COL4A3: variants seen among roughly 807,000 people sequenced by gnomAD.
COL4A3 encodes collagen type IV alpha 3 chain.
In COL4A3, 135 loss-of-function variants were observed where a neutral mutation model predicts 217.4. The observed-to-expected ratio is 0.62, with a 90% CI of 0.54 to 0.72. COL4A3 has a LOEUF of 0.72. Ranked by LOEUF, COL4A3 falls within the 30% of genes least tolerant of loss-of-function variation. The probability of loss-of-function intolerance (pLI) is 0.00; values close to 1 mark genes in which losing one functional copy is unlikely to be tolerated. For synonymous variants in COL4A3, 690 were observed against 736.3 expected, an observed-to-expected ratio of 0.94 and a Z score of 1.02; for missense variants, 1,868 against 2,119.9, an observed-to-expected ratio of 0.88 and a Z score of 2.33.
At chr2:227,196,895 T>A (rs2066501450) in intron 1 of COL4A3, among the ~76,000 whole-genome samples, 1 of 144,116 alleles carries the variant, frequency 6.9e-6, no homozygotes, top group South Asian at 2.1e-4. Context: ...CCAAATCTCA[T>A]CTTGAATTGT....
At chr2:227,289,740 T>C (rs916158935) in intron 35 of COL4A3, among the ~76,000 whole-genome samples, 17 of 152,154 alleles carry the variant, frequency 1.1e-4, no homozygotes, top group South Asian at 4.1e-4. Context: ...GCCCACTTTT[T>C]TCCCGCTGGT....
Position 227,257,653 on chromosome 2 carries a change from G to A in COL4A3, c.1029+9G>A, listed in dbSNP as rs1195208254. Reference sequence around the variant, plus strand: ...CAGGATTTCGTGGTCCAGTAAGTGTGATTAAAGACAATATCAATGCTATGT... The same window carrying A: ...CAGGATTTCGTGGTCCAGTAAGTGTAATTAAAGACAATATCAATGCTATGT... On this transcript the variant is annotated intron_variant, in intron 18 of 51. Transcript: ENST00000396578. 2 of 1,612,340 alleles carry A rather than the reference G, an allele frequency of 1.2e-6. No individual in the cohort carries two copies. Among genetic ancestry groups the A allele is most frequent in the Non-Finnish European group, 1.7e-6 (2 of 1,178,486 alleles).
chr2:227,270,144 T>C (rs1423718282), intron 24 of COL4A3, among the ~76,000 whole-genome samples, 164 bp downstream of exon 24: 1 of 152,124 alleles, frequency 6.6e-6, no homozygotes, highest in African/African-American at 2.4e-5. Flanking sequence ...AGTGAATGAG[T>C]CAATGAATTT....
At chr2:227,177,986 T>G (rs771362726) in intron 1 of COL4A3, among the ~76,000 whole-genome samples, 1 of 152,128 alleles carries the variant, frequency 6.6e-6, no homozygotes, top group Non-Finnish European at 1.5e-5. Context: ...AAGTGGAAGC[T>G]CTCAACTTAA....
intron 48 of COL4A3, 58 bp from the exon 49 acceptor site, chr2:227,308,841 C>T (rs892747767): frequency 1.4e-5 from 22 of 1,548,042 alleles, no homozygotes; most frequent in Middle Eastern, 2.0e-4. Flanking sequence ...TCTCTAGTAA[C>T]GATGCTGAAA....
At chr2:227,262,047 A>G (rs1005106912) in intron 20 of COL4A3, among the ~76,000 whole-genome samples, 7 of 152,238 alleles carry the variant, frequency 4.6e-5, no homozygotes, top group African/African-American at 1.4e-4. Flanking sequence ...ATGATGTTGT[A>G]TATTATACTA....
chr2:227,240,281 T>TCCTGCCTACCC (rs1574658709), intron 3 of COL4A3, 49 bp downstream of exon 3: 2 of 1,521,678 alleles, frequency 1.3e-6, no homozygotes, highest in East Asian at 4.8e-5. Flanking sequence ...CTAACCCTCT[T>TCCTGCCTACCC]CCTGCCTACC....
intron 44 of COL4A3, 34 bp from the exon 45 acceptor site, chr2:227,303,825 A>G (rs749106687): frequency 1.2e-6 from 2 of 1,600,820 alleles, no homozygotes; most frequent in East Asian, 4.5e-5. Flanking sequence ...CATTGATCTA[A>G]GTGGAATCAC....
intron 38 of COL4A3, chr2:227,293,650 C>T: frequency 4.2e-6 from 2 of 472,272 alleles, no homozygotes; most frequent in South Asian, 3.3e-5. Context: ...TAGTGAATTC[C>T]ACAGACTAGG....
At chr2:227,284,097 T>C (rs2072166402) in intron 33 of COL4A3, 114 bp from the exon 34 acceptor site, 1 of 1,421,872 alleles carries the variant, frequency 7.0e-7, no homozygotes, top group Non-Finnish European at 9.8e-7. Context: ...TTCTCAGCAC[T>C]GTTAGCCTTT....
intron 23 of COL4A3, 96 bp from the exon 24 acceptor site, chr2:227,269,814 C>T (rs1226073811): frequency 9.6e-7 from 1 of 1,037,400 alleles, no homozygotes; most frequent in African/African-American, 1.6e-5. Flanking sequence ...TCTTTCCCCA[C>T]AAGGAAACAC....
intron 1 of COL4A3, among the ~76,000 whole-genome samples, chr2:227,200,146 T>C (rs1187131407): frequency 6.6e-6 from 1 of 152,080 alleles, no homozygotes. Flanking sequence ...CATCTTATGA[T>C]ATTTCTTTTT....
chr2:227,295,066 C>A lies in COL4A3; in HGVS notation c.3517+4C>A. 6.2e-7 allele frequency: 1 copy of A among 1,611,358 alleles called. No homozygotes were observed. Among genetic ancestry groups the A allele is most frequent in the Non-Finnish European group, 8.5e-7 (1 of 1,177,886 alleles). ...GCCGGAGAAAAGGGAGAAACGGGTA[C>A]AACTTGCTCATTATCTTTGATCCGT... On this transcript the variant is annotated splice_donor_region_variant and intron_variant, in intron 40 of 51. Coordinates refer to ENST00000396578, the MANE Select transcript of COL4A3 (RefSeq NM_000091.5).
At position 227,267,035 on chromosome 2, in the gene COL4A3, G is replaced by C. The variant is rs1559882059; in HGVS notation, c.1451G>C (p.Gly484Ala). The change falls in exon 23 of 52, where the codon GGG becomes GCG. Residue 484 changes from glycine (G) to alanine (A), a missense_variant. Physicochemically the swap from Gly to Ala is moderately conservative, Grantham distance 60 (BLOSUM62 0). Coordinates refer to ENST00000396578, the MANE Select transcript of COL4A3 (RefSeq NM_000091.5). ...TGTACACAGTGCCCTTATATCCCAG[G>C]GCCTCCCGGTCTCCCAGGATTGCCA... ...LLCTQCPYIP[G>A]PPGLPGLPGL... The C allele has an allele frequency of 1.2e-6, 2 of 1,613,918 alleles. No individual in the cohort carries two copies. The highest frequency in any genetic ancestry group is 1.7e-6 in the Non-Finnish European group (2 of 1,179,936).
At chr2:227,181,836 GAATTATT>G (rs1486139988) in intron 1 of COL4A3, among the ~76,000 whole-genome samples, 1 of 152,038 alleles carries the variant, frequency 6.6e-6, no homozygotes, top group East Asian at 1.9e-4. Context: ...ACATATAGTA[GAATTATT>G]AATTAGAGTA....
At chr2:227,223,853 T>C (rs1181343859) in intron 1 of COL4A3, among the ~76,000 whole-genome samples, 1 of 152,232 alleles carries the variant, frequency 6.6e-6, no homozygotes. Flanking sequence ...AAAGTATTAA[T>C]TAGATAGTGT....
chr2:227,285,212 T>C (rs2072236693), intron 34 of COL4A3, among the ~76,000 whole-genome samples: 1 of 139,862 alleles, frequency 7.1e-6, no homozygotes, highest in Non-Finnish European at 1.5e-5. Context: ...TGAGACTGTG[T>C]TCAACAAATA....
rs1341999638 is a variant in COL4A3, at chr2:227,313,343, C to A, written c.*1473C>A. 2 of 152,510 alleles carry A rather than the reference C, an allele frequency of 1.3e-5. No homozygotes were observed. Among genetic ancestry groups the A allele is most frequent in the African/African-American group, 4.8e-5 (2 of 41,400 alleles). 9.4% of individuals were successfully genotyped at this position (152,510 alleles called of 1,614,324 possible). A position where few individuals can be genotyped will look rare whatever the true frequency, so the allele number is the denominator to read the frequency against. On this transcript the variant is annotated 3_prime_UTR_variant, in exon 52 of 52. Coordinates refer to ENST00000396578, the MANE Select transcript of COL4A3 (RefSeq NM_000091.5). Reference sequence around the variant, plus strand: ...GTAAAGGTTAAAAATAAGGTCTATGCCTAGGGAAACTCAGGGCTTCTAGTT... The same window carrying A: ...GTAAAGGTTAAAAATAAGGTCTATGACTAGGGAAACTCAGGGCTTCTAGTT...
chr2:227,213,795 G>A (rs1413507463), intron 1 of COL4A3, among the ~76,000 whole-genome samples: 7 of 151,344 alleles, frequency 4.6e-5, no homozygotes, highest in Admixed American at 1.3e-4. Flanking sequence ...CCAGCTACTC[G>A]GGAGGCTGAG....
Sources: gnomAD v4.1 joint callset for allele counts (sites outside exome capture counted in the v4.1 genomes callset) on GRCh38, gnomAD v4.1.1 for gene constraint, MANE v1.5 for transcripts, NCBI Gene and HGNC (gene_info 2026-07-23, HGNC 2026-07-21) for gene names.